GRIP1: variants seen among roughly 807,000 people sequenced by gnomAD.
GRIP1 encodes the protein glutamate receptor interacting protein 1.
Under a neutral mutation model 129.9 loss-of-function variants are expected in GRIP1, and 45 were observed. That is an observed-to-expected ratio of 0.35 (90% CI 0.27 to 0.44). The LOEUF is 0.44. Among genes scored for constraint, GRIP1 ranks in the 20% least tolerant of loss-of-function variants. The pLI is 1.00. For synonymous variants in GRIP1, 530 were observed against 520.8 expected, an observed-to-expected ratio of 1.02 and a Z score of -0.24; for missense variants, 1,196 against 1,396.8, an observed-to-expected ratio of 0.86 and a Z score of 2.29.
chr12:66,958,218 C>T (rs1357499150), intron 1 of GRIP1, among the ~76,000 whole-genome samples: 6 of 152,158 alleles, frequency 3.9e-5, no homozygotes, highest in African/African-American at 1.4e-4. Context: ...TGGCTCATTA[C>T]AGCCTGGAAC....
intron 1 of GRIP1, among the ~76,000 whole-genome samples, chr12:66,973,919 C>CTTTTTTTTTTTTTTTT (rs535699240): frequency 2.5e-5 from 3 of 121,358 alleles, no homozygotes; most frequent in East Asian, 2.3e-4. Flanking sequence ...CTTTTCTTTT[C>CTTTTTTTTTTTTTTTT]TTTTTTTTTT....
At chr12:66,944,475 CTT>C (rs2041634764) in intron 1 of GRIP1, among the ~76,000 whole-genome samples, 1 of 149,954 alleles carries the variant, frequency 6.7e-6, no homozygotes, top group Non-Finnish European at 1.5e-5. Context: ...TGACAGGGCA[CTT>C]TGCTGAACAG....
At chr12:66,680,448 T>C (rs2034540582), upstream of GRIP1, among the ~76,000 whole-genome samples, 1 of 152,148 alleles carries the variant, frequency 6.6e-6, no homozygotes. Flanking sequence ...AGAACAGAAT[T>C]CTTTTACCAA....
chr12:67,039,141 G>A (rs1428562944), intron 1 of GRIP1, among the ~76,000 whole-genome samples: 2 of 152,246 alleles, frequency 1.3e-5, no homozygotes, highest in South Asian at 2.1e-4. Flanking sequence ...AAAACCAGGA[G>A]TGAGACAGAT....
intron 1 of GRIP1, among the ~76,000 whole-genome samples, chr12:66,864,277 T>C (rs1271089810): frequency 2.0e-5 from 3 of 151,988 alleles, no homozygotes; most frequent in Admixed American, 6.6e-5. Flanking sequence ...AAACAGTCTA[T>C]AAACTCCAAA....
At chr12:66,838,943 G>A (rs2039666079) in intron 1 of GRIP1, among the ~76,000 whole-genome samples, 1 of 152,084 alleles carries the variant, frequency 6.6e-6, no homozygotes, top group Non-Finnish European at 1.5e-5. Flanking sequence ...GTCAGAGTAG[G>A]GGCAGAAACA....
At chr12:66,617,322 A>G (rs12579975) in intron 1 of GRIP1, among the ~76,000 whole-genome samples, 34,578 of 149,320 alleles carry the variant, frequency 0.23, 4,175 homozygotes, top group Middle Eastern at 0.28. Context: ...CTTGCAAGTT[A>G]CTGCAATGGT....
chr12:66,387,884 T>C (rs559629051), intron 19 of GRIP1, among the ~76,000 whole-genome samples: 2 of 152,298 alleles, frequency 1.3e-5, no homozygotes, highest in African/African-American at 4.8e-5. Flanking sequence ...TTAATGACAT[T>C]AAATAAAGTT....
intron 2 of GRIP1, among the ~76,000 whole-genome samples, chr12:66,595,837 C>G (rs2064028656): frequency 6.6e-6 from 1 of 152,102 alleles, no homozygotes; most frequent in Non-Finnish European, 1.5e-5. Flanking sequence ...TGAAAATAAC[C>G]ACCTGAAATT....
At chr12:66,473,897 A>G (rs1366133689) in intron 7 of GRIP1, among the ~76,000 whole-genome samples, 1 of 152,216 alleles carries the variant, frequency 6.6e-6, no homozygotes, top group Non-Finnish European at 1.5e-5. Context: ...AAAAGCCTAA[A>G]AATTCAAAAA....
chr12:67,048,103 A>G (rs1056053128), intron 1 of GRIP1, among the ~76,000 whole-genome samples: 8 of 152,082 alleles, frequency 5.3e-5, no homozygotes, highest in African/African-American at 1.9e-4. Context: ...GGCCCACAGA[A>G]CACACTGTTC....
At chr12:66,586,410 T>C (rs1331127086) in intron 2 of GRIP1, among the ~76,000 whole-genome samples, 5 of 152,192 alleles carry the variant, frequency 3.3e-5, no homozygotes, top group Admixed American at 6.5e-5. Flanking sequence ...TGGCTGAATC[T>C]TCCTTCACTG....
At chr12:66,873,541 T>A (rs1232653597) in intron 1 of GRIP1, among the ~76,000 whole-genome samples, 1 of 152,048 alleles carries the variant, frequency 6.6e-6, no homozygotes, top group Non-Finnish European at 1.5e-5. Context: ...CATTCTCAAT[T>A]TGCATTCTAT....
chr12:66,608,060 G>A (rs953000281), intron 1 of GRIP1, among the ~76,000 whole-genome samples: 1 of 152,062 alleles, frequency 6.6e-6, no homozygotes, highest in South Asian at 2.1e-4. Flanking sequence ...TGGATGCCTT[G>A]GGAATAACAT....
intron 17 of GRIP1, among the ~76,000 whole-genome samples, chr12:66,393,121 T>G (rs2056653803): frequency 6.6e-6 from 1 of 151,480 alleles, no homozygotes. Flanking sequence ...TGAACAATGT[T>G]GAATGACAAA....
At position 66,473,524 on chromosome 12, in the gene GRIP1, C is replaced by T. The variant is rs532243621; in HGVS notation, c.725-8102G>A. On this transcript the variant is annotated intron_variant, in intron 7 of 24. Coordinates refer to ENST00000359742, the MANE Select transcript of GRIP1 (RefSeq NM_001366722.1). ...AAATGGGTCCCTTGAGGGGACAGTG[C>T]TTCCTGACTGGGAGACAACTCCCAG... 1.7e-4 allele frequency among the ~76,000 whole-genome samples: 26 copies of T among 152,348 alleles called. 1 individual carries two copies. The highest frequency in any genetic ancestry group is 6.3e-4 in the African/African-American group (26 of 41,594).
chr12:66,853,056 A>T (rs888167869), intron 1 of GRIP1, among the ~76,000 whole-genome samples: 1 of 151,744 alleles, frequency 6.6e-6, no homozygotes, highest in South Asian at 2.1e-4. Context: ...TTCCCTCAAT[A>T]AGCATGAAAA....
At chr12:66,669,081 A>C (rs776266423) in intron 1 of GRIP1, among the ~76,000 whole-genome samples, 11 of 152,156 alleles carry the variant, frequency 7.2e-5, no homozygotes, top group Non-Finnish European at 1.6e-4. Flanking sequence ...GCCCAAAACA[A>C]ATGTGTGGGA....
chr12:66,872,748 G>A lies in GRIP1; in HGVS notation c.58+196302C>T, dbSNP rs577284298. Among the ~76,000 whole-genome samples, 12 of 152,102 alleles carry A rather than the reference G, an allele frequency of 7.9e-5. 1 individual carries two copies. Among genetic ancestry groups the A allele is most frequent in the South Asian group, 4.1e-4 (2 of 4,822 alleles). ...AGGCTTTGTTCAGGCCTTTGGAGCCGACAATAATGCTCTGTCATTAAAATG... is the reference window on the plus strand; with the variant it reads ...AGGCTTTGTTCAGGCCTTTGGAGCCAACAATAATGCTCTGTCATTAAAATG... On this transcript the variant is annotated intron_variant, in intron 1 of 1. Coordinates refer to the GRIP1 transcript ENST00000643019.
Sources: gnomAD v4.1 joint callset for allele counts (sites outside exome capture counted in the v4.1 genomes callset) on GRCh38, gnomAD v4.1.1 for gene constraint, MANE v1.5 for transcripts, NCBI Gene and HGNC (gene_info 2026-07-23, HGNC 2026-07-21) for gene names.